WWOX: variants seen among roughly 807,000 people sequenced by gnomAD.
WWOX encodes WW domain-containing oxidoreductase.
Under a neutral mutation model 46.2 loss-of-function variants are expected in WWOX, and 69 were observed. The observed-to-expected ratio is 1.49, with a 90% CI of 1.23 to 1.82. The LOEUF (loss-of-function observed/expected upper bound fraction) is 1.82. WWOX is among the 40% of genes most tolerant of loss of function. The pLI is 0.00. For synonymous variants in WWOX, 359 were observed against 202.6 expected, an observed-to-expected ratio of 1.77 and a Z score of -6.56; for missense variants, 919 against 542.6, an observed-to-expected ratio of 1.69 and a Z score of -6.89.
rs192903017 is a variant in WWOX, at chr16:78,818,488, C to T, written c.1056+385736C>T. ...GCTCATGCCTGTAATCCCAGCACTT[C>T]GGGAGGCCACGGCAAGAGGATCACT... On this transcript the variant is annotated intron_variant, in intron 8 of 8. Transcript: ENST00000566780. Among the ~76,000 whole-genome samples, 306 of 152,280 alleles carry T rather than the reference C, an allele frequency of 2.0e-3. 1 individual carries two copies. The highest frequency in any genetic ancestry group is 6.8e-3 in the African/African-American group (283 of 41,556).
chr16:78,822,657 A>C (rs2051535949), intron 8 of WWOX, among the ~76,000 whole-genome samples: 1 of 152,194 alleles, frequency 6.6e-6, no homozygotes, highest in Non-Finnish European at 1.5e-5. Context: ...ATTATTTTGA[A>C]TCTTTCCATG....
intron 8 of WWOX, among the ~76,000 whole-genome samples, chr16:78,820,427 T>G (rs1567583050): frequency 6.6e-6 from 1 of 152,138 alleles, no homozygotes; most frequent in Non-Finnish European, 1.5e-5. Context: ...TATTCCTAAT[T>G]CATTTTCCCA....
chr16:79,078,875 C>G (rs962841232), intron 8 of WWOX, among the ~76,000 whole-genome samples: 1 of 152,174 alleles, frequency 6.6e-6, no homozygotes, highest in Non-Finnish European at 1.5e-5. Flanking sequence ...AATTGCCAGG[C>G]ACATAATAGG....
chr16:78,520,152 C>A (rs2043317792), intron 8 of WWOX, among the ~76,000 whole-genome samples: 1 of 152,210 alleles, frequency 6.6e-6, no homozygotes. Flanking sequence ...CATGTCCAGT[C>A]TGAAGCTTTT....
At chr16:78,542,731 C>T (rs968803882) in intron 8 of WWOX, among the ~76,000 whole-genome samples, 1 of 152,186 alleles carries the variant, frequency 6.6e-6, no homozygotes, top group African/African-American at 2.4e-5. Flanking sequence ...ACTGGCATAA[C>T]CTTGAATCAT....
At chr16:78,511,047 G>A (rs2085348585) in intron 8 of WWOX, among the ~76,000 whole-genome samples, 1 of 152,230 alleles carries the variant, frequency 6.6e-6, no homozygotes, top group African/African-American at 2.4e-5. Context: ...AGCGTGCCTG[G>A]TTCATACTGC....
At chr16:78,324,053 T>C (rs535177273) in intron 5 of WWOX, among the ~76,000 whole-genome samples, 1 of 152,136 alleles carries the variant, frequency 6.6e-6, no homozygotes, top group African/African-American at 2.4e-5. Flanking sequence ...AAAATCAATT[T>C]ACAGGTAGTT....
chr16:79,057,260 C>T (rs2048280313), intron 8 of WWOX, among the ~76,000 whole-genome samples: 1 of 152,098 alleles, frequency 6.6e-6, no homozygotes, highest in African/African-American at 2.4e-5. Context: ...CAATGGCAAA[C>T]TTATGTTTAT....
chr16:78,805,254 T>G (rs1031857641), intron 8 of WWOX, among the ~76,000 whole-genome samples: 2 of 152,194 alleles, frequency 1.3e-5, no homozygotes, highest in South Asian at 4.1e-4. Context: ...AAACAGCATA[T>G]ATATGTATAT....
chr16:78,301,165 A>T (rs2080034522), intron 5 of WWOX, among the ~76,000 whole-genome samples: 1 of 152,214 alleles, frequency 6.6e-6, no homozygotes, highest in East Asian at 1.9e-4. Context: ...CATGTCTATG[A>T]AATTGGTAAT....
intron 8 of WWOX, among the ~76,000 whole-genome samples, chr16:78,882,176 T>G (rs2044356506): frequency 1.3e-5 from 2 of 152,354 alleles, no homozygotes; most frequent in Non-Finnish European, 2.9e-5. Flanking sequence ...GTTTTGTGAC[T>G]TATTTTTAAT....
At chr16:78,488,818 G>C (rs76929363) in intron 8 of WWOX, among the ~76,000 whole-genome samples, 1 of 152,192 alleles carries the variant, frequency 6.6e-6, no homozygotes, top group African/African-American at 2.4e-5. Context: ...CATTATGGCA[G>C]ATCAGTGGGA....
intron 8 of WWOX, among the ~76,000 whole-genome samples, chr16:78,615,855 A>G (rs965078338): frequency 3.3e-5 from 5 of 151,186 alleles, no homozygotes; most frequent in Non-Finnish European, 7.4e-5. Flanking sequence ...AGTTCACGCC[A>G]TTCTCCTGCC....
At chr16:78,940,086 G>T (rs902712985) in intron 8 of WWOX, among the ~76,000 whole-genome samples, 5 of 152,152 alleles carry the variant, frequency 3.3e-5, no homozygotes, top group African/African-American at 7.2e-5. Flanking sequence ...TGCATTTGAG[G>T]TGGTCATCAT....
At chr16:78,107,314 A>C (rs2032209046) in intron 1 of WWOX, among the ~76,000 whole-genome samples, 1 of 152,152 alleles carries the variant, frequency 6.6e-6, no homozygotes, top group Admixed American at 6.5e-5. Flanking sequence ...TATGTTTTTA[A>C]TTATAACTTT....
At chr16:78,571,792 C>T (rs572373356) in intron 8 of WWOX, among the ~76,000 whole-genome samples, 3 of 152,144 alleles carry the variant, frequency 2.0e-5, no homozygotes, top group Admixed American at 1.3e-4. Flanking sequence ...CGCTGGAACC[C>T]GGGAGACAGG....
chr16:78,376,869 G>C (rs796141164), intron 5 of WWOX, among the ~76,000 whole-genome samples: 15 of 152,320 alleles, frequency 9.8e-5, no homozygotes, highest in African/African-American at 3.6e-4. Context: ...CCCTCCATTT[G>C]AGGATCATTC....
At chr16:78,798,533 A>C (rs915738135) in intron 8 of WWOX, among the ~76,000 whole-genome samples, 3 of 150,884 alleles carry the variant, frequency 2.0e-5, no homozygotes, top group Non-Finnish European at 4.4e-5. Flanking sequence ...GCATCTTATC[A>C]TTCACAAGCT....
chr16:78,882,827 T>TAA (rs75984932), intron 8 of WWOX, among the ~76,000 whole-genome samples: 2,074 of 143,390 alleles, frequency 0.014, 26 homozygotes, highest in Middle Eastern at 0.025. Context: ...TGCCACCATT[T>TAA]AAAAAAAAAA....
Sources: allele counts gnomAD v4.1 joint callset (sites outside exome capture counted in the v4.1 genomes callset), GRCh38; gene constraint gnomAD v4.1.1; transcripts MANE v1.5; gene names NCBI Gene and HGNC (gene_info 2026-07-23, HGNC 2026-07-21).